VPS35L: variants seen among roughly 807,000 people sequenced by gnomAD.
The protein encoded by VPS35L is VPS35 endosomal protein sorting factor like, also known as VPS35 endosomal protein-sorting factor-like.
Under a neutral mutation model 133.0 loss-of-function variants are expected in VPS35L, and 83 were observed. The observed-to-expected ratio is 0.62, with a 90% CI of 0.52 to 0.75. The LOEUF (loss-of-function observed/expected upper bound fraction) is 0.75, where lower values mean the gene tolerates loss of function less well. VPS35L is among the 30% of genes least tolerant of loss of function. The pLI is 0.00. For missense variants in VPS35L, 1,083 were observed against 1,206.8 expected (o/e 0.90, Z 1.52); for synonymous variants, 423 against 449.9 (o/e 0.94, Z 0.76).
chr16:19,668,912 G>A (rs571010289), intron 26 of VPS35L, among the ~76,000 whole-genome samples: 7 of 152,136 alleles, frequency 4.6e-5, no homozygotes, highest in Non-Finnish European at 1.0e-4. Flanking sequence ...AAAAATTTGC[G>A]ACCTGCTTTT....
chr16:19,585,406 C>CTT (rs201727936), intron 7 of VPS35L, among the ~76,000 whole-genome samples: 24 of 138,108 alleles, frequency 1.7e-4, no homozygotes, highest in South Asian at 4.7e-4. Context: ...TTTCTTTTTT[C>CTT]TTTTTTTTTT....
chr16:19,676,690 A>G (rs569528589), intron 27 of VPS35L, among the ~76,000 whole-genome samples: 3 of 152,230 alleles, frequency 2.0e-5, no homozygotes, highest in Non-Finnish European at 4.4e-5. Flanking sequence ...AGGTCCAGCC[A>G]TAAACACAGC....
At chr16:19,618,270 G>A (rs1292206316) in intron 14 of VPS35L, among the ~76,000 whole-genome samples, 2 of 151,990 alleles carry the variant, frequency 1.3e-5, no homozygotes, top group Non-Finnish European at 2.9e-5. Flanking sequence ...AAAAAAAAAG[G>A]ACATGACTTT....
chr16:19,608,145 G>T lies in VPS35L; in HGVS notation c.785-33G>T, dbSNP rs998671610. The T allele has an allele frequency of 1.3e-6, 2 of 1,514,886 alleles. 1 individual carries two copies. The highest frequency in any genetic ancestry group is 3.4e-4 in the Middle Eastern group (2 of 5,878). The allele number at this position is 1,514,886 out of a possible 1,614,324, so 93.8% of individuals were successfully genotyped here. ...GACTCACACAGATCCTGAGATTTAG[G>T]AGGGCTGATGGATCTTGTTTTTTGT... On this transcript the variant is annotated intron_variant, in intron 9 of 30. Coordinates refer to ENST00000417362, the MANE Select transcript of VPS35L (RefSeq NM_020314.7).
chr16:19,556,808 A>AG lies in VPS35L; in HGVS notation c.17+1064dup, dbSNP rs199767458. On this transcript the variant is annotated intron_variant, in intron 1 of 30. Transcript: ENST00000417362. ...TGCCTCTGAGCACTTCCACACCCTGAGGTTTTTTTTTTTTTTTCAGTTAAT... is the reference window on the plus strand; with the variant it reads ...TGCCTCTGAGCACTTCCACACCCTGAGGGTTTTTTTTTTTTTTTCAGTTAAT... Among the ~76,000 whole-genome samples the AG allele has an allele frequency of 1.4e-3, 168 of 124,442 alleles. 1 individual carries two copies. Among genetic ancestry groups the AG allele is most frequent in the Admixed American group, 4.3e-3 (54 of 12,626 alleles). 81.6% of individuals were successfully genotyped at this position (124,442 alleles called of 152,430 possible). A position where few individuals can be genotyped will look rare whatever the true frequency, so the allele number is the denominator to read the frequency against.
At chr16:19,676,267 CA>C (rs1404338983) in intron 27 of VPS35L, among the ~76,000 whole-genome samples, 1 of 152,212 alleles carries the variant, frequency 6.6e-6, no homozygotes, top group East Asian at 1.9e-4. Flanking sequence ...AACACACACA[CA>C]AAAAGAAAGG....
At chr16:19,611,128 T>A (rs988412089) in intron 12 of VPS35L, among the ~76,000 whole-genome samples, 1 of 152,146 alleles carries the variant, frequency 6.6e-6, no homozygotes, top group African/African-American at 2.4e-5. Context: ...GCCTCCTGGG[T>A]AGCTGAGATT....
At chr16:19,641,752 G>A (rs1426033530) in intron 21 of VPS35L, among the ~76,000 whole-genome samples, 3 of 152,134 alleles carry the variant, frequency 2.0e-5, no homozygotes, top group Admixed American at 6.6e-5. Flanking sequence ...AGAACACAGT[G>A]ACAGGTTTTG....
chr16:19,628,552 C>A, intron 16 of VPS35L, 85 bp from the exon 17 acceptor site: 1 of 756,168 alleles, frequency 1.3e-6, no homozygotes, highest in Non-Finnish European at 2.2e-6. Flanking sequence ...TTAAACATTA[C>A]AACCTTTTCT....
chr16:19,650,509 T>G (rs747011327), intron 25 of VPS35L, 50 bp downstream of exon 25: 1 of 1,420,750 alleles, frequency 7.0e-7, no homozygotes, highest in South Asian at 1.2e-5. Flanking sequence ...AGTGGGCTGT[T>G]TAGTTTGCAG....
In VPS35L at chr16:19,699,089, T is replaced by C. The variant is rs2151633417; in HGVS notation, c.2647-413T>C. On this transcript the variant is annotated intron_variant, in intron 29 of 30. Transcript: ENST00000417362. The surrounding 1 kb of genome is among the most constrained non-coding windows in gnomAD (Gnocchi z 4.2). ...ACCGGCAGCCCAGGGGCAGGAATAC[T>C]GACTGCAGCTTTGGGTAGTTTGAGG... 6.6e-6 allele frequency among the ~76,000 whole-genome samples: 1 copy of C among 152,334 alleles called. No homozygotes were observed. Among genetic ancestry groups the C allele is most frequent in the East Asian group, 1.9e-4 (1 of 5,178 alleles).
At position 19,633,235 on chromosome 16, in the gene VPS35L, G is replaced by T; in HGVS notation, c.1635+63G>T. ...AATTTTGTTCTGTTGAATTAAATAG[G>T]CGTGTTGTATGGGTCAGGCTATAAA... On this transcript the variant is annotated intron_variant, in intron 19 of 30. Transcript: ENST00000417362. The surrounding 1 kb of genome is among the most constrained non-coding windows in gnomAD (Gnocchi z 4.1). The T allele has an allele frequency of 6.8e-7, 1 of 1,461,234 alleles. No individual in the cohort carries two copies. The highest frequency in any genetic ancestry group is 9.6e-7 in the Non-Finnish European group (1 of 1,041,470). 90.5% of individuals were successfully genotyped at this position (1,461,234 alleles called of 1,614,324 possible).
At chr16:19,570,883 A>ATTTTTTTTTTTTT (rs1366924758) in intron 3 of VPS35L, among the ~76,000 whole-genome samples, 1 of 67,786 alleles carries the variant, frequency 1.5e-5, no homozygotes, top group African/African-American at 7.3e-5. Flanking sequence ...ATATATATAT[A>ATTTTTTTTTTTTT]TATATATTTT....
At chr16:19,601,500 A>C (rs1433643263) in intron 8 of VPS35L, 164 bp from the exon 9 acceptor site, 3 of 613,964 alleles carry the variant, frequency 4.9e-6, no homozygotes, top group African/African-American at 3.8e-5. Flanking sequence ...AAAACAAAAC[A>C]AAAAAAATGT....
intron 8 of VPS35L, among the ~76,000 whole-genome samples, chr16:19,598,157 G>A (rs946577194): frequency 6.6e-6 from 1 of 152,274 alleles, no homozygotes; most frequent in East Asian, 1.9e-4. Context: ...GTAGAATGGG[G>A]CTATCGTAGA....
intron 14 of VPS35L, chr16:19,617,018 T>C (rs997752589): frequency 2.7e-6 from 2 of 743,244 alleles, no homozygotes; most frequent in Non-Finnish European, 4.5e-6. Flanking sequence ...GGAAGGGGAA[T>C]GTGGTAGCTC....
intron 10 of VPS35L, 123 bp from the exon 11 acceptor site, chr16:19,608,851 T>G (rs1031731536): frequency 1.4e-6 from 1 of 717,444 alleles, no homozygotes; most frequent in African/African-American, 1.8e-5. Context: ...GCTGGATTGT[T>G]GAGGGCCACT....
At chr16:19,641,296 G>A (rs1473608197) in intron 21 of VPS35L, among the ~76,000 whole-genome samples, 1 of 151,532 alleles carries the variant, frequency 6.6e-6, no homozygotes, top group Non-Finnish European at 1.5e-5. Flanking sequence ...CGAGCTCCTG[G>A]CCTCAAGTGA....
At chr16:19,651,001 C>G (rs1974106834) in intron 25 of VPS35L, among the ~76,000 whole-genome samples, 1 of 151,482 alleles carries the variant, frequency 6.6e-6, no homozygotes, top group Non-Finnish European at 1.5e-5. Flanking sequence ...ACCTCAACCT[C>G]CTGAGTAGCT....
Sources: allele counts gnomAD v4.1 joint callset (sites outside exome capture counted in the v4.1 genomes callset), GRCh38; gene constraint gnomAD v4.1.1; non-coding constraint Gnocchi (gnomAD v3.1); transcripts MANE v1.5; gene names NCBI Gene and HGNC (gene_info 2026-07-23, HGNC 2026-07-21).